SERPINB7: variants seen among roughly 807,000 people sequenced by gnomAD.
SERPINB7 encodes serpin B7.
A neutral mutation model predicts 37.4 loss-of-function variants in SERPINB7; 31 were observed. The observed-to-expected ratio is 0.83, with a 90% CI of 0.62 to 1.12. The LOEUF is 1.12. Ranked by LOEUF, SERPINB7 falls within the 50% of genes most tolerant of loss-of-function variation. SERPINB7 has a pLI of 0.00. For synonymous variants in SERPINB7, 163 were observed against 166.1 expected (o/e 0.98, Z 0.14); for missense variants, 521 against 455.3 (o/e 1.14, Z -1.31).
chr18:63,776,956 A>T (rs541058167), intron 1 of SERPINB7, among the ~76,000 whole-genome samples: 2 of 152,164 alleles, frequency 1.3e-5, no homozygotes, highest in African/African-American at 4.8e-5. Flanking sequence ...CTGATAGCAT[A>T]TTCACCTTAG....
intron 1 of SERPINB7, among the ~76,000 whole-genome samples, chr18:63,761,443 G>A (rs1383403375): frequency 1.3e-5 from 2 of 152,184 alleles, no homozygotes; most frequent in African/African-American, 2.4e-5. Context: ...GAACTTTTGG[G>A]TTAATGCTGA....
chr18:63,777,879 GACACACACAC>G (rs67119027), intron 1 of SERPINB7: 6,242 of 131,256 alleles, frequency 0.048, 161 homozygotes, highest in Non-Finnish European at 0.061. Context: ...TTTGAAAAAA[GACACACACAC>G]ACACACACAC....
At position 63,785,953 on chromosome 18, in the gene SERPINB7, T is replaced by A. The variant is rs2939518; in HGVS notation, c.168+3413T>A. The stretch of plus-strand genomic sequence containing the variant: ...GTATATATACACATATATAATATAC[T>A]TATATATACACATATATAATATACG... On this transcript the variant is annotated intron_variant, in intron 2 of 7. Coordinates refer to ENST00000398019, the MANE Select transcript of SERPINB7 (RefSeq NM_003784.4). Among the ~76,000 whole-genome samples the A allele has an allele frequency of 4.8e-5, 4 of 83,112 alleles. 1 individual carries two copies. The highest frequency in any genetic ancestry group is 7.5e-5 in the African/African-American group (1 of 13,308). 54.5% of individuals were successfully genotyped at this position (83,112 alleles called of 152,430 possible).
At chr18:63,762,472 ATCAGGTG>A (rs2049159602) in intron 1 of SERPINB7, among the ~76,000 whole-genome samples, 1 of 152,156 alleles carries the variant, frequency 6.6e-6, no homozygotes, top group Non-Finnish European at 1.5e-5. Flanking sequence ...TGGTATGCAT[ATCAGGTG>A]CTTGAAGACA....
chr18:63,800,429 A>T (rs79377293), intron 6 of SERPINB7, among the ~76,000 whole-genome samples: 14 of 152,024 alleles, frequency 9.2e-5, no homozygotes, highest in African/African-American at 3.4e-4. Flanking sequence ...AACCTATAGC[A>T]TTCATTTTTC....
At chr18:63,803,787 C>T (rs35927478) in intron 7 of SERPINB7, among the ~76,000 whole-genome samples, 22,575 of 152,172 alleles carry the variant, frequency 0.15, 2,069 homozygotes, top group Non-Finnish European at 0.2. Flanking sequence ...CCTCAGGCCA[C>T]GTGGGGTTCC....
At chr18:63,796,509 G>C in intron 5 of SERPINB7, 126 bp downstream of exon 5, 1 of 555,898 alleles carries the variant, frequency 1.8e-6, no homozygotes, top group African/African-American at 1.9e-5. Context: ...AATGATTGCT[G>C]CTACTTAAAA....
chr18:63,804,874 C>T lies in SERPINB7; in HGVS notation c.*239C>T. The T allele has an allele frequency of 2.0e-6, 1 of 493,400 alleles. No homozygotes were observed. Among genetic ancestry groups the T allele is most frequent in the Non-Finnish European group, 3.5e-6 (1 of 281,934 alleles). The allele number at this position is 493,400 out of a possible 1,614,324, so 30.6% of individuals were successfully genotyped here. On this transcript the variant is annotated 3_prime_UTR_variant, in exon 8 of 8. Transcript: ENST00000398019. ...ACCCATTTCTAATTTCATTGTCTTT[C>T]TTCCCACGCTCATTTCTATCATTCT...
At chr18:63,791,824 A>G (rs1057401780) in intron 2 of SERPINB7, among the ~76,000 whole-genome samples, 1 of 151,940 alleles carries the variant, frequency 6.6e-6, no homozygotes, top group Non-Finnish European at 1.5e-5. Flanking sequence ...GTTAGCCAGG[A>G]TGGTCTCGAT....
At chr18:63,786,403 A>G (rs1357265989) in intron 2 of SERPINB7, among the ~76,000 whole-genome samples, 2 of 151,434 alleles carry the variant, frequency 1.3e-5, no homozygotes, top group Admixed American at 6.6e-5. Context: ...ACACACACGC[A>G]TATATATATT....
At chr18:63,753,820 T>G (rs887913413) in intron 1 of SERPINB7, among the ~76,000 whole-genome samples, 1 of 152,228 alleles carries the variant, frequency 6.6e-6, no homozygotes, top group African/African-American at 2.4e-5. Flanking sequence ...TTTGAGTACT[T>G]GATAGAATGA....
intron 1 of SERPINB7, among the ~76,000 whole-genome samples, chr18:63,762,643 G>T (rs1016728991): frequency 2.0e-5 from 3 of 152,116 alleles, no homozygotes; most frequent in Admixed American, 1.3e-4. Context: ...GGGGAGTGAC[G>T]AGAGCAGAAA....
intron 2 of SERPINB7, 68 bp downstream of exon 2, chr18:63,782,608 A>G (rs2049312799): frequency 2.8e-6 from 4 of 1,444,680 alleles, no homozygotes; most frequent in South Asian, 1.4e-5. Flanking sequence ...TTTCGTTGCA[A>G]TGGTCCCCAT....
At chr18:63,796,649 T>C (rs906254793) in intron 5 of SERPINB7, among the ~76,000 whole-genome samples, 4 of 152,240 alleles carry the variant, frequency 2.6e-5, no homozygotes, top group African/African-American at 9.6e-5. Flanking sequence ...AAACATATTA[T>C]TGTGACCACT....
intron 1 of SERPINB7, among the ~76,000 whole-genome samples, chr18:63,776,473 T>G (rs747883772): frequency 4.0e-5 from 6 of 151,866 alleles, no homozygotes; most frequent in Admixed American, 2.0e-4. Flanking sequence ...TTCTAAACCT[T>G]ACTTCTATCA....
At position 63,793,240 on chromosome 18, in the gene SERPINB7, ATGGGCTTTT is replaced by A; in HGVS notation, c.302_310del (p.Gly101_Phe103del). 6.2e-7 allele frequency: 1 copy of A among 1,607,034 alleles called. No homozygotes were observed. Among genetic ancestry groups the A allele is most frequent in the Non-Finnish European group, 8.5e-7 (1 of 1,175,820 alleles). ...AAGGATTATGATCTCAGCATTGTGAATGGGCTTTTTGCTGAAAAAGTGTATGGCTTTCAT... is the reference window on the plus strand; with the variant it reads ...AAGGATTATGATCTCAGCATTGTGAATGCTGAAAAAGTGTATGGCTTTCAT... On this transcript the variant is annotated inframe_deletion, in exon 4 of 8. Coordinates refer to ENST00000398019, the MANE Select transcript of SERPINB7 (RefSeq NM_003784.4).
At chr18:63,783,742 G>C (rs750817031) in intron 2 of SERPINB7, among the ~76,000 whole-genome samples, 1 of 152,074 alleles carries the variant, frequency 6.6e-6, no homozygotes, top group African/African-American at 2.4e-5. Flanking sequence ...CCTTGATGTC[G>C]TCCCTTTCTG....
chr18:63,782,858 G>T (rs1012259914), intron 2 of SERPINB7, among the ~76,000 whole-genome samples: 4 of 152,090 alleles, frequency 2.6e-5, no homozygotes, highest in African/African-American at 9.7e-5. Context: ...GCAAATGCTG[G>T]CCGGGCGCGG....
chr18:63,802,179 C>T (rs892963665), intron 7 of SERPINB7, among the ~76,000 whole-genome samples: 1 of 152,182 alleles, frequency 6.6e-6, no homozygotes, highest in Non-Finnish European at 1.5e-5. Flanking sequence ...TGCTGTGTCT[C>T]AAGTGAAAAG....
Sources: gnomAD v4.1 joint callset for allele counts (sites outside exome capture counted in the v4.1 genomes callset) on GRCh38, gnomAD v4.1.1 for gene constraint, MANE v1.5 for transcripts, NCBI Gene and HGNC (gene_info 2026-07-23, HGNC 2026-07-21) for gene names.